The following ABCA13 variants were observed in gnomAD, a reference collection of about 807,000 sequenced individuals.
ABCA13 encodes ATP-binding cassette sub-family A member 13.
ABCA13 carries 476 observed loss-of-function variants against 478.7 expected under a neutral mutation model. That is an observed-to-expected ratio of 0.99 (90% CI 0.92 to 1.07). The LOEUF is 1.07. ABCA13 is among the 50% of genes least tolerant of loss of function. The probability of loss-of-function intolerance (pLI) is 0.00; values close to 1 mark genes in which losing one functional copy is unlikely to be tolerated. For synonymous variants in ABCA13, 2,252 were observed against 2,158.9 expected (o/e 1.04, Z -1.20); for missense variants, 6,060 against 5,910.6 (o/e 1.03, Z -0.83).
At chr7:48,297,786 C>CTTTTTT (rs11393352) in intron 22 of ABCA13, among the ~76,000 whole-genome samples, 1 of 142,002 alleles carries the variant, frequency 7.0e-6, no homozygotes, top group Non-Finnish European at 1.5e-5. Context: ...TTCTTTCTTT[C>CTTTTTT]TTTTTTTTTT....
At chr7:48,378,625 C>G (rs1213609364) in intron 35 of ABCA13, among the ~76,000 whole-genome samples, 1 of 152,230 alleles carries the variant, frequency 6.6e-6, no homozygotes, top group Non-Finnish European at 1.5e-5. Context: ...TCTTCATACA[C>G]TCACACTGCA....
At chr7:48,319,121 G>T (rs1409529191) in intron 27 of ABCA13, among the ~76,000 whole-genome samples, 1 of 152,154 alleles carries the variant, frequency 6.6e-6, no homozygotes, top group Non-Finnish European at 1.5e-5. Flanking sequence ...GGTTTTCTAA[G>T]CCCCTGTGAG....
intron 29 of ABCA13, among the ~76,000 whole-genome samples, chr7:48,346,450 T>G (rs1227106708): frequency 6.6e-6 from 1 of 151,634 alleles, no homozygotes; most frequent in Non-Finnish European, 1.5e-5. Context: ...ACAGATACAG[T>G]AGAAAAATGT....
chr7:48,298,367 T>C lies in ABCA13; in HGVS notation c.9201T>C (p.Asp3067=). Residue 3067 remains aspartate (D), a splice_region_variant and synonymous_variant, in exon 23 of 62, where the codon GAT becomes GAC. Transcript: ENST00000435803. The stretch of plus-strand genomic sequence containing the variant: ...TTTCTTATTTTCCTTACTTTGCAGA[T>C]GTAAAAATAAAAGATTTGATGAAGA... ...TFLSNFTVTE[D]VKIKDLMKNI... The C allele has an allele frequency of 1.9e-6, 3 of 1,605,714 alleles. No individual in the cohort carries two copies. Among genetic ancestry groups the C allele is most frequent in the Non-Finnish European group, 2.5e-6 (3 of 1,176,960 alleles).
intron 3 of ABCA13, among the ~76,000 whole-genome samples, chr7:48,218,242 A>G (rs985120646): frequency 6.6e-6 from 1 of 152,220 alleles, no homozygotes; most frequent in African/African-American, 2.4e-5. Flanking sequence ...GGCGAATCTC[A>G]TGTATGGGTG....
intron 58 of ABCA13, among the ~76,000 whole-genome samples, chr7:48,604,743 C>A (rs941508775): frequency 2.6e-5 from 4 of 152,130 alleles, no homozygotes; most frequent in Non-Finnish European, 5.9e-5. Flanking sequence ...TCTGTTAGGT[C>A]TGCTTGGTCC....
chr7:48,366,001 A>C (rs558183556), intron 31 of ABCA13, among the ~76,000 whole-genome samples: 21 of 152,318 alleles, frequency 1.4e-4, no homozygotes, highest in African/African-American at 4.3e-4. Context: ...AAAAATCCTA[A>C]AACTTATATG....
At chr7:48,323,117 T>C (rs534772726) in intron 27 of ABCA13, among the ~76,000 whole-genome samples, 1 of 152,306 alleles carries the variant, frequency 6.6e-6, no homozygotes, top group Admixed American at 6.5e-5. Flanking sequence ...GGGTTTTTTC[T>C]AGTCTTTGGC....
chr7:48,352,926 G>A (rs1463678818), intron 31 of ABCA13, among the ~76,000 whole-genome samples: 1 of 151,902 alleles, frequency 6.6e-6, no homozygotes, highest in Non-Finnish European at 1.5e-5. Flanking sequence ...CATGGCTTGG[G>A]TACCCATGAA....
At chr7:48,592,554 T>G (rs1232061205) in intron 57 of ABCA13, among the ~76,000 whole-genome samples, 4 of 151,916 alleles carry the variant, frequency 2.6e-5, no homozygotes, top group African/African-American at 7.2e-5. Context: ...ATTCTGCTAT[T>G]GTTGGATGGA....
Position 48,272,088 on chromosome 7 carries a change from G to C in ABCA13, c.2422G>C (p.Gly808Arg). ...AGTGATTTGGAAAATGCAGACTCTC[G>C]GAAGTCACTGGATAAGGAAGGAACC... is the stretch of plus-strand genomic sequence containing the variant. The part of the protein sequence containing the change: ...NEVIWKMQTL[G>R]SHWIRKEPKN... Residue 808 changes from glycine to arginine, a missense_variant, in exon 17 of 62, where the codon GGA becomes CGA. Transcript: ENST00000435803. 1 of 1,613,534 alleles carries C rather than the reference G, an allele frequency of 6.2e-7. No individual in the cohort carries two copies. The highest frequency in any genetic ancestry group is 8.5e-7 in the Non-Finnish European group (1 of 1,179,718).
intron 49 of ABCA13, among the ~76,000 whole-genome samples, chr7:48,506,836 A>C (rs953925636): frequency 6.6e-6 from 1 of 152,080 alleles, no homozygotes; most frequent in South Asian, 2.1e-4. Flanking sequence ...TCAGGTACAG[A>C]ATTCTGTGTC....
intron 27 of ABCA13, among the ~76,000 whole-genome samples, chr7:48,324,430 C>T (rs1021948200): frequency 3.9e-5 from 6 of 152,226 alleles, no homozygotes; most frequent in African/African-American, 1.2e-4. Flanking sequence ...TCTGAAATAT[C>T]GAGGGTTAAG....
At chr7:48,478,271 TATATATATC>T (rs902251142) in intron 45 of ABCA13, among the ~76,000 whole-genome samples, 2 of 144,754 alleles carry the variant, frequency 1.4e-5, no homozygotes, top group African/African-American at 5.0e-5. Context: ...ATTTCATTTT[TATATATATC>T]ATATATATCA....
At chr7:48,541,586 G>A (rs1321448508) in intron 55 of ABCA13, among the ~76,000 whole-genome samples, 1 of 151,976 alleles carries the variant, frequency 6.6e-6, no homozygotes, top group Non-Finnish European at 1.5e-5. Flanking sequence ...ACATGATGGA[G>A]CTTTGAATCC....
intron 59 of ABCA13, among the ~76,000 whole-genome samples, chr7:48,641,665 C>A (rs935488329): frequency 6.6e-6 from 1 of 152,126 alleles, no homozygotes; most frequent in Non-Finnish European, 1.5e-5. Flanking sequence ...AGACCAGAAA[C>A]ACATCTCCAT....
At chr7:48,538,204 G>T (rs1184956032) in intron 55 of ABCA13, among the ~76,000 whole-genome samples, 1 of 147,808 alleles carries the variant, frequency 6.8e-6, no homozygotes, top group African/African-American at 2.5e-5. Context: ...GAGTTAAAGT[G>T]ATTCTCCTGC....
At chr7:48,543,759 T>C (rs1271845319) in intron 55 of ABCA13, among the ~76,000 whole-genome samples, 1 of 151,872 alleles carries the variant, frequency 6.6e-6, no homozygotes, top group East Asian at 1.9e-4. Flanking sequence ...AAACAACAGA[T>C]ACATATATAT....
At chr7:48,248,614 T>C (rs1792060796) in intron 14 of ABCA13, among the ~76,000 whole-genome samples, 170 bp downstream of exon 14, 2 of 152,350 alleles carry the variant, frequency 1.3e-5, no homozygotes, top group South Asian at 4.1e-4. Context: ...AAGCATCTAA[T>C]AACTGTAAAA....
Sources: gnomAD v4.1 joint callset for allele counts (sites outside exome capture counted in the v4.1 genomes callset) on GRCh38, gnomAD v4.1.1 for gene constraint, MANE v1.5 for transcripts, NCBI Gene and HGNC (gene_info 2026-07-23, HGNC 2026-07-21) for gene names.